METTL25: variants seen among roughly 807,000 people sequenced by gnomAD.
METTL25 encodes methyltransferase like 25.
METTL25 carries 64 observed loss-of-function variants against 71.6 expected under a neutral mutation model. The observed-to-expected ratio is 0.89, with a 90% CI of 0.73 to 1.10. METTL25 has a LOEUF of 1.10. Ranked by LOEUF, METTL25 falls within the 50% of genes least tolerant of loss-of-function variation. METTL25 has a pLI of 0.00. For missense variants in METTL25, 807 were observed against 707.0 expected, an observed-to-expected ratio of 1.14 and a Z score of -1.60; for synonymous variants, 287 against 250.3, an observed-to-expected ratio of 1.15 and a Z score of -1.38.
chr12:82,359,053 A>T, intron 1 of METTL25: 3 of 598,188 alleles, frequency 5.0e-6, no homozygotes, highest in Non-Finnish European at 8.9e-6. Context: ...CAATTTAAAG[A>T]AAGCAGGAAA....
intron 11 of METTL25, among the ~76,000 whole-genome samples, chr12:82,477,615 A>C (rs1892953650): frequency 6.6e-5 from 10 of 151,806 alleles, no homozygotes; most frequent in Admixed American, 6.6e-4. Flanking sequence ...GTGAACATAA[A>C]CTGCTATATA....
At chr12:82,413,081 C>T (rs910170422) in intron 5 of METTL25, among the ~76,000 whole-genome samples, 1 of 151,902 alleles carries the variant, frequency 6.6e-6, no homozygotes, top group Admixed American at 6.6e-5. Context: ...TAATTCTTTT[C>T]GGTGACTCTC....
In METTL25 at chr12:82,395,648, A is replaced by G. The variant is rs190811308; in HGVS notation, c.532-3147A>G. Among the ~76,000 whole-genome samples the G allele has an allele frequency of 1.5e-4, 23 of 152,192 alleles. No individual in the cohort carries two copies. In the East Asian group the frequency reaches 4.2e-3, roughly 28 times the overall value. ...ACAGTACCATACTAGTGTTATTACAAAATTTAACCACTGCTTGTAACAATG... is the reference window on the plus strand; with the variant it reads ...ACAGTACCATACTAGTGTTATTACAGAATTTAACCACTGCTTGTAACAATG... On this transcript the variant is annotated intron_variant, in intron 3 of 11. Transcript: ENST00000248306.
intron 8 of METTL25, among the ~76,000 whole-genome samples, chr12:82,452,361 G>C (rs1202726625): frequency 6.6e-6 from 1 of 152,064 alleles, no homozygotes; most frequent in East Asian, 1.9e-4. Flanking sequence ...TATTTAGCCA[G>C]GTGCAGTGGC....
chr12:82,389,602 A>G (rs758307484), intron 2 of METTL25, among the ~76,000 whole-genome samples: 5 of 152,068 alleles, frequency 3.3e-5, no homozygotes, highest in Non-Finnish European at 7.4e-5. Context: ...GTTAATTGTT[A>G]CGGAATAGTT....
chr12:82,372,283 A>G (rs1272590513), intron 1 of METTL25, among the ~76,000 whole-genome samples: 1 of 152,134 alleles, frequency 6.6e-6, no homozygotes, highest in East Asian at 1.9e-4. Flanking sequence ...CCTTCCCCCT[A>G]CAGCTTGAAG....
chr12:82,415,344 A>C (rs1469922379), intron 5 of METTL25, among the ~76,000 whole-genome samples: 3 of 152,150 alleles, frequency 2.0e-5, no homozygotes, highest in African/African-American at 7.2e-5. Context: ...GGATAAGTGA[A>C]ATACTAGTAC....
chr12:82,474,878 A>G (rs1892792658), intron 9 of METTL25, among the ~76,000 whole-genome samples: 1 of 152,188 alleles, frequency 6.6e-6, no homozygotes, highest in Admixed American at 6.5e-5. Context: ...GAAATCTTAA[A>G]CTATGTATAT....
chr12:82,405,053 A>T (rs1886974271), intron 5 of METTL25, among the ~76,000 whole-genome samples: 3 of 152,016 alleles, frequency 2.0e-5, no homozygotes, highest in Admixed American at 6.6e-5. Context: ...GCCCCCAAGG[A>T]TGCCTTCCCA....
intron 8 of METTL25, among the ~76,000 whole-genome samples, chr12:82,455,877 T>G (rs887555390): frequency 6.6e-6 from 1 of 151,756 alleles, no homozygotes; most frequent in East Asian, 1.9e-4. Context: ...TAGGAAGAGG[T>G]GAAGAAGAGA....
chr12:82,377,758 G>A (rs1285137370), intron 1 of METTL25, among the ~76,000 whole-genome samples: 1 of 152,158 alleles, frequency 6.6e-6, no homozygotes, highest in East Asian at 1.9e-4. Flanking sequence ...AACTGTGAAA[G>A]ATAGTAATGT....
intron 5 of METTL25, among the ~76,000 whole-genome samples, chr12:82,423,644 C>A (rs1888719584): frequency 1.3e-5 from 2 of 152,184 alleles, no homozygotes; most frequent in South Asian, 4.1e-4. Flanking sequence ...ATCTACTCAT[C>A]TGACAAAGGG....
chr12:82,400,782 CCT>C (rs1312599923), intron 4 of METTL25, among the ~76,000 whole-genome samples: 24 of 152,098 alleles, frequency 1.6e-4, no homozygotes, highest in South Asian at 4.1e-4. Context: ...TTCCCCCTAC[CCT>C]CTCGCAATAC....
chr12:82,378,930 G>A (rs1884158537), intron 1 of METTL25, among the ~76,000 whole-genome samples: 1 of 152,160 alleles, frequency 6.6e-6, no homozygotes, highest in Non-Finnish European at 1.5e-5. Flanking sequence ...TACTTAGGAG[G>A]CTGAGGTGAG....
At chr12:82,394,292 A>G (rs10862484) in intron 3 of METTL25, among the ~76,000 whole-genome samples, 140,048 of 151,970 alleles carry the variant, frequency 0.92, 64,881 homozygotes, top group East Asian at 1. Flanking sequence ...GGACTGTTGA[A>G]GTCCCCAACT....
chr12:82,409,449 A>G (rs1476277263), intron 5 of METTL25, among the ~76,000 whole-genome samples: 1 of 152,090 alleles, frequency 6.6e-6, no homozygotes, highest in Non-Finnish European at 1.5e-5. Context: ...TTTTGGGTAA[A>G]TACCAGTATA....
chr12:82,447,990 T>C (rs1394349550), intron 8 of METTL25, among the ~76,000 whole-genome samples: 1 of 152,080 alleles, frequency 6.6e-6, no homozygotes, highest in East Asian at 1.9e-4. Flanking sequence ...AGGACTAAAT[T>C]CACAGTCCAG....
chr12:82,376,205 C>G (rs1405722480), intron 1 of METTL25, among the ~76,000 whole-genome samples: 1 of 152,144 alleles, frequency 6.6e-6, no homozygotes, highest in Non-Finnish European at 1.5e-5. Context: ...TTATCGAAAA[C>G]TAGTTGATTT....
In METTL25 at chr12:82,403,161, T is replaced by C. The variant is rs201168436; in HGVS notation, c.1279+31T>C. 31 of 1,585,500 alleles carry C rather than the reference T, an allele frequency of 2.0e-5. No homozygotes were observed. The Admixed American group carries it at 5.7e-4, about 29-fold the overall frequency. On this transcript the variant is annotated intron_variant, in intron 5 of 11. Transcript: ENST00000248306. ...AGTTCCCCATGTGTCATAATTTTTA[T>C]TCATTTGAGCATAATGAAATATGCT...
Sources: gnomAD v4.1 joint callset for allele counts (sites outside exome capture counted in the v4.1 genomes callset) on GRCh38, gnomAD v4.1.1 for gene constraint, MANE v1.5 for transcripts, NCBI Gene and HGNC (gene_info 2026-07-23, HGNC 2026-07-21) for gene names.